Variants in CENPH observed in about 807,000 individuals in gnomAD.
CENPH encodes centromere protein H.
Under a neutral mutation model 42.9 loss-of-function variants are expected in CENPH, and 40 were observed. That is an observed-to-expected ratio of 0.93 (90% confidence interval 0.72 to 1.21). CENPH has a LOEUF of 1.21. CENPH is among the 50% of genes most tolerant of loss of function. CENPH has a pLI of 0.00. For missense variants in CENPH, 302 were observed against 292.9 expected (o/e 1.03, Z -0.23); for synonymous variants, 88 against 96.5 (o/e 0.91, Z 0.52).
Position 69,189,593 on chromosome 5 carries a change from C to T in CENPH, c.-42C>T, listed in dbSNP as rs373405242. 1.3e-6 allele frequency: 2 copies of T among 1,530,074 alleles called. No homozygotes were observed. The highest frequency in any genetic ancestry group is 1.8e-6 in the Non-Finnish European group (2 of 1,142,310). The allele number at this position is 1,530,074 out of a possible 1,614,324, so 94.8% of individuals were successfully genotyped here. ...GGCGGGAAAAGCGACCTTTTCTGAG[C>T]GCGTTTGCCTGTTGAGTGGTAGCCT... is the stretch of plus-strand genomic sequence containing the variant. On this transcript the variant is annotated 5_prime_UTR_variant, in exon 1 of 9. Transcript: ENST00000283006.
chr5:69,203,068 G>C, intron 7 of CENPH, 98 bp downstream of exon 7: 1 of 815,558 alleles, frequency 1.2e-6, no homozygotes, highest in East Asian at 2.8e-5. Flanking sequence ...CCTAATTTCC[G>C]ACTTCCAAAA....
At chr5:69,195,563 A>C (rs549508419) in intron 3 of CENPH, among the ~76,000 whole-genome samples, 154 bp from the exon 4 acceptor site, 133 of 152,282 alleles carry the variant, frequency 8.7e-4, no homozygotes, top group Non-Finnish European at 1.6e-3. Flanking sequence ...TTAGTTTACC[A>C]AATGTGTAAA....
At position 69,191,956 on chromosome 5, in the gene CENPH, G is replaced by A. The variant is rs977609643; in HGVS notation, c.190+106G>A. The A allele has an allele frequency of 1.1e-5, 7 of 616,564 alleles. No individual in the cohort carries two copies. The Admixed American group carries it at 1.5e-4, about 13-fold the overall frequency. 38.2% of individuals were successfully genotyped at this position (616,564 alleles called of 1,614,324 possible). A position where few individuals can be genotyped will look rare whatever the true frequency, so the allele number is the denominator to read the frequency against. ...CTGTAATGTAGTGGCGCAGTCTCTG[G>A]TTTACTGCAGCCTCAGCCTCCTGGG... On this transcript the variant is annotated intron_variant, in intron 2 of 8. Coordinates refer to ENST00000283006, the MANE Select transcript of CENPH (RefSeq NM_022909.4).
intron 3 of CENPH, 95 bp from the exon 4 acceptor site, chr5:69,195,622 T>C: frequency 2.9e-6 from 2 of 685,012 alleles, no homozygotes; most frequent in South Asian, 3.4e-5. Context: ...TAGATAGAGG[T>C]GTTTTACTTT....
In CENPH at chr5:69,208,379, G is replaced by A. The variant is rs768841268; in HGVS notation, c.651+20G>A. On this transcript the variant is annotated intron_variant, in intron 8 of 8. Transcript: ENST00000283006. ...TTCCAGGTAACATTTATATAAACTA[G>A]CAAGAGTTTTAATCTTGTTGCCCAG... 1 of 1,509,362 alleles carries A rather than the reference G, an allele frequency of 6.6e-7. No individual in the cohort carries two copies. The highest frequency in any genetic ancestry group is 9.1e-7 in the Non-Finnish European group (1 of 1,096,944). 93.5% of individuals were successfully genotyped at this position (1,509,362 alleles called of 1,614,324 possible).
chr5:69,195,346 A>G (rs1747947392), intron 3 of CENPH, among the ~76,000 whole-genome samples: 1 of 152,220 alleles, frequency 6.6e-6, no homozygotes. Context: ...ATTGTAGGCA[A>G]GAGCCACTGA....
Position 69,194,679 on chromosome 5 carries a change from GA to G in CENPH, c.227del (p.Lys76SerfsTer17). On this transcript the variant is annotated frameshift_variant, in exon 3 of 9. Coordinates refer to ENST00000283006, the MANE Select transcript of CENPH (RefSeq NM_022909.4). LOFTEE classifies it high-confidence loss of function. ...AAAAACTCCAGAACAAATTATGCAA[GA>G]AAAGCAAATCGAAGCGTATGTTATA... Reference protein sequence around the residue: ...EEKTPEQIMQEKQIEAKIEDL... With the variant: ...EEKTPEQIMQXKQIEAKIEDL... 1.3e-6 allele frequency: 2 copies of G among 1,587,232 alleles called. No homozygotes were observed. Among genetic ancestry groups the G allele is most frequent in the South Asian group, 1.2e-5 (1 of 86,932 alleles).
intron 8 of CENPH, 73 bp from the exon 9 acceptor site, chr5:69,209,634 A>T: frequency 1.4e-6 from 1 of 700,126 alleles, no homozygotes; most frequent in Non-Finnish European, 2.4e-6. Context: ...AAGATTCATG[A>T]AAAATGATAT....
intron 2 of CENPH, among the ~76,000 whole-genome samples, chr5:69,192,877 A>G (rs1422761127): frequency 6.6e-6 from 1 of 152,052 alleles, no homozygotes; most frequent in Non-Finnish European, 1.5e-5. Flanking sequence ...TGGGCGGATC[A>G]CCTGAGGTCA....
chr5:69,207,389 A>T (rs1241537143), intron 7 of CENPH, among the ~76,000 whole-genome samples: 3 of 151,836 alleles, frequency 2.0e-5, no homozygotes, highest in Non-Finnish European at 4.4e-5. Context: ...GGGTTTCGCC[A>T]TGTTGGCGGG....
intron 2 of CENPH, among the ~76,000 whole-genome samples, chr5:69,193,262 A>G (rs1177715155): frequency 1.3e-5 from 2 of 152,010 alleles, no homozygotes; most frequent in African/African-American, 4.8e-5. Flanking sequence ...TTTACAATAA[A>G]GGCATCTATT....
intron 2 of CENPH, 140 bp downstream of exon 2, chr5:69,191,990 A>G (rs979939318): frequency 3.8e-6 from 2 of 525,882 alleles, no homozygotes; most frequent in African/African-American, 2.0e-5. Context: ...GGCTCCAGCA[A>G]TCCTCCCACC....
rs78821521 is a variant in CENPH, at chr5:69,191,533, A to C, written c.135-262A>C. Among the ~76,000 whole-genome samples the C allele has an allele frequency of 6.9e-3, 1,047 of 152,196 alleles. 16 individuals carry two copies. The highest frequency in any genetic ancestry group is 0.024 in the African/African-American group (997 of 41,522). ...TCTCAAAAAAAGAAAAAAATCTTAA[A>C]CACCAATTTTTTAACTTTTCCTGAC... is the stretch of plus-strand genomic sequence containing the variant. On this transcript the variant is annotated intron_variant, in intron 1 of 8. Coordinates refer to ENST00000283006, the MANE Select transcript of CENPH (RefSeq NM_022909.4).
chr5:69,202,887 A>C, intron 6 of CENPH, 32 bp from the exon 7 acceptor site: 1 of 1,342,510 alleles, frequency 7.4e-7, no homozygotes, highest in Non-Finnish European at 1.1e-6. Context: ...ACATACAGTA[A>C]TGTGCTTTAA....
At chr5:69,202,265 G>T (rs562546176) in intron 5 of CENPH, among the ~76,000 whole-genome samples, 2 of 152,164 alleles carry the variant, frequency 1.3e-5, no homozygotes, top group African/African-American at 4.8e-5. Context: ...TTTTAAATTT[G>T]GTATTCTTCA....
At chr5:69,206,513 A>C (rs1479503538) in intron 7 of CENPH, among the ~76,000 whole-genome samples, 1 of 149,116 alleles carries the variant, frequency 6.7e-6, no homozygotes, top group African/African-American at 2.5e-5. Flanking sequence ...ATTGAGATGG[A>C]GTTTCGCTCT....
intron 7 of CENPH, among the ~76,000 whole-genome samples, chr5:69,203,378 T>C (rs1021184241): frequency 2.0e-5 from 3 of 152,102 alleles, no homozygotes; most frequent in African/African-American, 7.2e-5. Flanking sequence ...TATGGTATTT[T>C]TTTTTGGAGA....
At chr5:69,196,601 C>T (rs1485256160) in intron 4 of CENPH, among the ~76,000 whole-genome samples, 4 of 152,104 alleles carry the variant, frequency 2.6e-5, no homozygotes, top group Admixed American at 6.6e-5. Context: ...GCCGAGATGA[C>T]GCCACTGTGC....
At chr5:69,196,075 A>AG (rs960079189) in intron 4 of CENPH, among the ~76,000 whole-genome samples, 1 of 109,394 alleles carries the variant, frequency 9.1e-6, no homozygotes, top group Non-Finnish European at 1.9e-5. Context: ...AGCAGCTGGG[A>AG]CTACAGGCAT....
Sources: allele counts gnomAD v4.1 joint callset (sites outside exome capture counted in the v4.1 genomes callset), GRCh38; gene constraint gnomAD v4.1.1; transcripts MANE v1.5; gene names NCBI Gene and HGNC (gene_info 2026-07-23, HGNC 2026-07-21).